TRMO: variants seen among roughly 807,000 people sequenced by gnomAD.
The protein encoded by TRMO is tRNA (adenine(37)-N6)-methyltransferase.
A neutral mutation model predicts 37.2 loss-of-function variants in TRMO; 30 were observed. That is an observed-to-expected ratio of 0.81 (90% confidence interval 0.60 to 1.09). The LOEUF is 1.09. TRMO is among the 50% of genes least tolerant of loss of function. TRMO has a pLI of 0.00. For missense variants in TRMO, 552 were observed against 549.5 expected, an observed-to-expected ratio of 1.00 and a Z score of -0.05; for synonymous variants, 239 against 199.4, an observed-to-expected ratio of 1.20 and a Z score of -1.67.
At chr9:97,915,202 T>C (rs1302991879) in intron 2 of TRMO, among the ~76,000 whole-genome samples, 2 of 152,208 alleles carry the variant, frequency 1.3e-5, no homozygotes, top group Non-Finnish European at 2.9e-5. Context: ...ACAATGCTAG[T>C]ATAACACAGG....
In TRMO at chr9:97,912,773, A is replaced by T. The variant is rs185059504; in HGVS notation, c.409+628T>A. ...CTGCCATTTCATCTGCTGCCTCTAT[A>T]ACAAATGCATCTGTTAGGTCAGAAT... On this transcript the variant is annotated intron_variant, in intron 3 of 4. Transcript: ENST00000375119. The T allele has an allele frequency of 7.1e-5, 32 of 448,824 alleles. No individual in the cohort carries two copies. The East Asian group carries it at 2.2e-3, about 31-fold the overall frequency. 27.8% of individuals were successfully genotyped at this position (448,824 alleles called of 1,614,324 possible). A position where few individuals can be genotyped will look rare whatever the true frequency, so the allele number is the denominator to read the frequency against.
chr9:97,900,164 T>C (rs1012388619), downstream of TRMO, among the ~76,000 whole-genome samples: 2 of 151,406 alleles, frequency 1.3e-5, no homozygotes, highest in African/African-American at 4.9e-5. Flanking sequence ...CAGAACAGAG[T>C]GGTAGAAAAA....
intron 2 of TRMO, among the ~76,000 whole-genome samples, chr9:97,914,948 G>A (rs148535326): frequency 3.3e-5 from 5 of 152,232 alleles, no homozygotes; most frequent in Non-Finnish European, 7.4e-5. Flanking sequence ...ATATACTTCT[G>A]AACCCATTTT....
chr9:97,906,891 A>G (rs1825880143), intron 4 of TRMO, among the ~76,000 whole-genome samples: 1 of 152,042 alleles, frequency 6.6e-6, no homozygotes, highest in African/African-American at 2.4e-5. Context: ...AAGAAAAACA[A>G]AACTTTCCAT....
chr9:97,916,101 G>C lies in TRMO; in HGVS notation c.251+63C>G, dbSNP rs1826346028. ...CAGACTCCAAGGTTGCCTTCAACTAGAGTACTTTATTCGGGGGCAAGTTCT... is the reference window on the plus strand; with the variant it reads ...CAGACTCCAAGGTTGCCTTCAACTACAGTACTTTATTCGGGGGCAAGTTCT... On this transcript the variant is annotated intron_variant, in intron 2 of 4. Transcript: ENST00000375119. 1.0e-5 allele frequency: 13 copies of C among 1,291,184 alleles called. No homozygotes were observed. In the South Asian group the frequency reaches 1.6e-4, roughly 16 times the overall value. The allele number at this position is 1,291,184 out of a possible 1,614,324, so 80.0% of individuals were successfully genotyped here.
chr9:97,917,455 A>G (rs1208966971), intron 1 of TRMO, among the ~76,000 whole-genome samples: 2 of 152,180 alleles, frequency 1.3e-5, no homozygotes, highest in African/African-American at 4.8e-5. Context: ...TGTCTAGTAC[A>G]TTGCCTGCAA....
chr9:97,899,211 A>G, the TRMO span, among the ~76,000 whole-genome samples: 4 of 152,048 alleles, frequency 2.6e-5, no homozygotes, highest in African/African-American at 7.2e-5. Flanking sequence ...AGTAGAAGAG[A>G]AAGCGTACTA....
chr9:97,903,579 C>A (rs1262672700), downstream of TRMO, among the ~76,000 whole-genome samples: 1 of 152,206 alleles, frequency 6.6e-6, no homozygotes, highest in Non-Finnish European at 1.5e-5. Context: ...ATTAAAATCA[C>A]CTATAGGCAA....
At chr9:97,903,362 G>T (rs1825726142), downstream of TRMO, among the ~76,000 whole-genome samples, 2 of 152,188 alleles carry the variant, frequency 1.3e-5, no homozygotes, top group Admixed American at 1.3e-4. Flanking sequence ...TTTGGTTTAG[G>T]AGTACAGTGT....
At chr9:97,908,132 G>A (rs935240384) in intron 4 of TRMO, among the ~76,000 whole-genome samples, 2 of 152,114 alleles carry the variant, frequency 1.3e-5, no homozygotes, top group African/African-American at 4.8e-5. Context: ...TTCAAAATAG[G>A]TTGGGCACGG....
rs780480936 is a variant in TRMO at position 97,909,956 on chromosome 9, A to G, written c.1066+4T>C. ...CTCATTCAGAATGAAGAAACTGAAGATACCTTGTGAACTGAGCTGCCCAAG... is the reference window on the plus strand; with the variant it reads ...CTCATTCAGAATGAAGAAACTGAAGGTACCTTGTGAACTGAGCTGCCCAAG... On this transcript the variant is annotated splice_donor_region_variant and intron_variant, in intron 4 of 4. Transcript: ENST00000375119. 9 of 1,514,736 alleles carry G rather than the reference A, an allele frequency of 5.9e-6. No homozygotes were observed. The Admixed American group carries it at 1.4e-4, about 23-fold the overall frequency. The allele number at this position is 1,514,736 out of a possible 1,614,324, so 93.8% of individuals were successfully genotyped here.
chr9:97,898,811 A>AT, the TRMO span, among the ~76,000 whole-genome samples: 1 of 133,840 alleles, frequency 7.5e-6, no homozygotes, highest in East Asian at 2.2e-4. Flanking sequence ...CACCATGATT[A>AT]TAATTGCATT....
intron 3 of TRMO, chr9:97,910,921 T>C: frequency 5.5e-6 from 3 of 549,500 alleles, no homozygotes; most frequent in Non-Finnish European, 1.0e-5. Context: ...CACAAACCTC[T>C]GCTAGAGCGC....
the TRMO span, among the ~76,000 whole-genome samples, chr9:97,897,229 G>A: frequency 2.0e-5 from 3 of 152,194 alleles, no homozygotes; most frequent in Non-Finnish European, 4.4e-5. Flanking sequence ...TAACCTTTCT[G>A]TATGTAATAA....
chr9:97,922,334 C>T (rs924406983), intron 1 of TRMO, 84 bp downstream of exon 1: 20 of 898,264 alleles, frequency 2.2e-5, no homozygotes, highest in Non-Finnish European at 2.8e-5. Flanking sequence ...CCAGATCGTG[C>T]GTTTTACACC....
chr9:97,915,503 G>T (rs1826315863), intron 2 of TRMO, among the ~76,000 whole-genome samples: 1 of 152,154 alleles, frequency 6.6e-6, no homozygotes, highest in Non-Finnish European at 1.5e-5. Context: ...TGGTCTAGAG[G>T]GTAGAATAAT....
intron 4 of TRMO, 56 bp downstream of exon 4, chr9:97,909,904 G>A: frequency 7.4e-7 from 1 of 1,360,114 alleles, no homozygotes; most frequent in Non-Finnish European, 1.0e-6. Flanking sequence ...ACCAAACTTG[G>A]CTAAATCTCA....
At chr9:97,914,709 G>A (rs541245158) in intron 2 of TRMO, among the ~76,000 whole-genome samples, 4 of 152,088 alleles carry the variant, frequency 2.6e-5, no homozygotes, top group East Asian at 1.9e-4. Flanking sequence ...ATCTACTGTC[G>A]TGAAAGTTCT....
chr9:97,902,836 C>T (rs568734617), downstream of TRMO, among the ~76,000 whole-genome samples: 82 of 152,192 alleles, frequency 5.4e-4, no homozygotes, highest in Non-Finnish European at 1.1e-3. Flanking sequence ...CTACCTTTAA[C>T]GTTTACTATA....
Sources: gnomAD v4.1 joint callset for allele counts (sites outside exome capture counted in the v4.1 genomes callset) on GRCh38, gnomAD v4.1.1 for gene constraint, MANE v1.5 for transcripts, NCBI Gene and HGNC (gene_info 2026-07-23, HGNC 2026-07-21) for gene names.